The following PAPPA variants were observed in gnomAD, a reference collection of about 807,000 sequenced individuals.
PAPPA encodes the protein pappalysin-1.
In PAPPA, 60 loss-of-function variants were observed where a neutral mutation model predicts 164.0. The observed-to-expected ratio is 0.37, with a 90% CI of 0.30 to 0.45. PAPPA has a LOEUF of 0.45. Among genes scored for constraint, PAPPA ranks in the 20% least tolerant of loss-of-function variants. The pLI is 1.00. For missense variants in PAPPA, 1,782 were observed against 2,087.3 expected (o/e 0.85, Z 2.85); for synonymous variants, 875 against 814.1 (o/e 1.07, Z -1.27).
At chr9:116,376,504 A>G (rs1210913148) in intron 19 of PAPPA, among the ~76,000 whole-genome samples, 1 of 152,172 alleles carries the variant, frequency 6.6e-6, no homozygotes, top group African/African-American at 2.4e-5. Context: ...CCAAACAGCT[A>G]TGGAGCATGG....
At chr9:116,249,462 G>C (rs891473561) in intron 7 of PAPPA, among the ~76,000 whole-genome samples, 1 of 152,116 alleles carries the variant, frequency 6.6e-6, no homozygotes, top group African/African-American at 2.4e-5. Flanking sequence ...TCCTGAGAGT[G>C]GTGATGAGCC....
chr9:116,219,450 T>G (rs1371350411), intron 4 of PAPPA, among the ~76,000 whole-genome samples: 4 of 152,106 alleles, frequency 2.6e-5, no homozygotes, highest in Non-Finnish European at 5.9e-5. Flanking sequence ...AATGAGTGGA[T>G]GAAAGAATGT....
At chr9:116,320,413 G>C (rs1246823937) in intron 10 of PAPPA, among the ~76,000 whole-genome samples, 1 of 152,222 alleles carries the variant, frequency 6.6e-6, no homozygotes. Flanking sequence ...AGTGTCTCCT[G>C]GGTAGAGGCT....
At chr9:116,190,503 A>C (rs1171388674) in intron 2 of PAPPA, among the ~76,000 whole-genome samples, 1 of 152,218 alleles carries the variant, frequency 6.6e-6, no homozygotes, top group Non-Finnish European at 1.5e-5. Context: ...ATTCAAACTC[A>C]AGACTACTAG....
At chr9:116,218,525 G>A (rs1192428063) in intron 4 of PAPPA, among the ~76,000 whole-genome samples, 2 of 152,078 alleles carry the variant, frequency 1.3e-5, no homozygotes, top group Non-Finnish European at 2.9e-5. Context: ...TAGGGCAGTT[G>A]AATAAAACTG....
intron 10 of PAPPA, 109 bp downstream of exon 10, chr9:116,303,059 C>A: frequency 1.3e-6 from 1 of 784,436 alleles, no homozygotes; most frequent in Non-Finnish European, 2.0e-6. Flanking sequence ...GCCACTTGAG[C>A]ATATCTTTAT....
chr9:116,201,864 C>T (rs989830376), intron 2 of PAPPA, among the ~76,000 whole-genome samples: 1 of 152,150 alleles, frequency 6.6e-6, no homozygotes, highest in Non-Finnish European at 1.5e-5. Flanking sequence ...TTAAAAGTGG[C>T]CCACTCTTGG....
intron 21 of PAPPA, among the ~76,000 whole-genome samples, chr9:116,391,567 A>G (rs1846893846): frequency 6.6e-6 from 1 of 152,192 alleles, no homozygotes. Context: ...CTTGTGGTAT[A>G]GTTGCCTGAG....
At chr9:116,207,384 C>A in intron 2 of PAPPA, 72 bp from the exon 3 acceptor site, 1 of 1,332,978 alleles carries the variant, frequency 7.5e-7, no homozygotes, top group South Asian at 1.5e-5. Flanking sequence ...CATAGTAGCT[C>A]TAAATTATTT....
At chr9:116,207,376 T>G in intron 2 of PAPPA, 80 bp from the exon 3 acceptor site, 1 of 1,195,620 alleles carries the variant, frequency 8.4e-7, no homozygotes, top group Non-Finnish European at 1.2e-6. Flanking sequence ...CTGGCACTCA[T>G]AGTAGCTCTA....
intron 1 of PAPPA, among the ~76,000 whole-genome samples, chr9:116,182,931 T>C (rs1587941699): frequency 1.3e-5 from 2 of 152,282 alleles, no homozygotes; most frequent in South Asian, 4.2e-4. Flanking sequence ...AAAGGGCTCT[T>C]GCACGCTTTC....
rs67162181 is a variant in PAPPA at position 116,250,013 on chromosome 9, A to ATGTGTGTGTGTGTGTG, written c.2732+14400_2732+14415dup. On this transcript the variant is annotated intron_variant, in intron 7 of 21. Coordinates refer to ENST00000328252, the MANE Select transcript of PAPPA (RefSeq NM_002581.5). ...TACATGCATGCATGAGTACCTGCAT[A>ATGTGTGTGTGTGTGTG]TGTGTGTGTGTGTGTGTGTGTGTGT... Among the ~76,000 whole-genome samples the ATGTGTGTGTGTGTGTG allele has an allele frequency of 3.5e-5, 5 of 143,548 alleles. 1 individual carries two copies. The highest frequency in any genetic ancestry group is 1.3e-4 in the African/African-American group (5 of 37,694). The allele number at this position is 143,548 out of a possible 152,430, so 94.2% of individuals were successfully genotyped here.
At chr9:116,319,781 T>C (rs1326176066) in intron 10 of PAPPA, among the ~76,000 whole-genome samples, 8 of 152,170 alleles carry the variant, frequency 5.3e-5, no homozygotes, top group Admixed American at 4.6e-4. Context: ...ATTTATTACC[T>C]CTGAGCCCAG....
intron 9 of PAPPA, among the ~76,000 whole-genome samples, chr9:116,297,878 T>C (rs888148842): frequency 2.6e-4 from 40 of 152,226 alleles, no homozygotes; most frequent in Non-Finnish European, 3.8e-4. Context: ...TGTTATGCTA[T>C]TTGATCATCC....
intron 10 of PAPPA, 151 bp from the exon 11 acceptor site, chr9:116,331,093 G>A: frequency 6.6e-6 from 4 of 601,766 alleles, no homozygotes; most frequent in African/African-American, 1.9e-5. Context: ...TAGAATGTGA[G>A]CTCCTGGACC....
At chr9:116,275,532 A>T (rs1323966737) in intron 9 of PAPPA, among the ~76,000 whole-genome samples, 1 of 152,034 alleles carries the variant, frequency 6.6e-6, no homozygotes, top group Non-Finnish European at 1.5e-5. Context: ...TGAGTAGAGA[A>T]CCTGGCTTTT....
chr9:116,323,201 T>C (rs900136114), intron 10 of PAPPA, among the ~76,000 whole-genome samples: 6 of 152,194 alleles, frequency 3.9e-5, no homozygotes, highest in African/African-American at 1.2e-4. Context: ...TTGAAAGCAG[T>C]CTTCTGCAAA....
chr9:116,205,785 G>T (rs1450987159), intron 2 of PAPPA, among the ~76,000 whole-genome samples: 6 of 152,176 alleles, frequency 3.9e-5, no homozygotes, highest in Non-Finnish European at 7.4e-5. Flanking sequence ...CTGAACAGCT[G>T]TATGGGGTAG....
At position 116,171,453 on chromosome 9, in the gene PAPPA, C is replaced by T. The variant is rs969965663; in HGVS notation, c.416-15701C>T. On this transcript the variant is annotated intron_variant, in intron 1 of 21. Transcript: ENST00000328252. ...AACAACAAACACATGGTCCAAGGCT[C>T]TAGGACACAACCTGCCTTTTTCTCC... 3.3e-5 allele frequency among the ~76,000 whole-genome samples: 5 copies of T among 152,284 alleles called. No individual in the cohort carries two copies. In the South Asian group the frequency reaches 8.3e-4, roughly 25 times the overall value.
Sources: gnomAD v4.1 joint callset for allele counts (sites outside exome capture counted in the v4.1 genomes callset) on GRCh38, gnomAD v4.1.1 for gene constraint, MANE v1.5 for transcripts, NCBI Gene and HGNC (gene_info 2026-07-23, HGNC 2026-07-21) for gene names.